ACLY: variants seen among roughly 807,000 people sequenced by gnomAD.
The protein encoded by ACLY is ATP citrate lyase.
A neutral mutation model predicts 133.0 loss-of-function variants in ACLY; 41 were observed. The ratio of observed to expected loss-of-function variants is 0.31; its 90% CI spans 0.24 to 0.40. The LOEUF (loss-of-function observed/expected upper bound fraction) is 0.40. Among genes scored for constraint, ACLY ranks in the 10% least tolerant of loss-of-function variants. The pLI is 1.00. For synonymous variants in ACLY, 495 were observed against 549.3 expected, an observed-to-expected ratio of 0.90 and a Z score of 1.38; for missense variants, 1,046 against 1,453.8, an observed-to-expected ratio of 0.72 and a Z score of 4.56.
At position 41,868,202 on chromosome 17, in the gene ACLY, G is replaced by T. The variant is rs2048510247; in HGVS notation, c.3212-298C>A. Among the ~76,000 whole-genome samples, 3 of 152,180 alleles carry T rather than the reference G, an allele frequency of 2.0e-5. No homozygotes were observed. The South Asian group carries it at 6.2e-4, about 32-fold the overall frequency. On this transcript the variant is annotated intron_variant, in intron 28 of 28. Transcript: ENST00000352035. ...GCCTGTAATCCCAGCACTTTGGGAG[G>T]CCGAGGTGGGCAGATCACGAGGTTG...
chr17:41,919,073 A>G (rs2050136615), upstream of ACLY: 35 of 1,235,520 alleles, frequency 2.8e-5, 1 homozygote, highest in South Asian at 4.3e-4. Context: ...CCTGAGCGCC[A>G]GGGCTCCTCC....
chr17:41,889,485 C>T (rs2049143436), intron 16 of ACLY, among the ~76,000 whole-genome samples: 1 of 115,974 alleles, frequency 8.6e-6, no homozygotes, highest in Non-Finnish European at 1.6e-5. Context: ...CGCCGCTGTA[C>T]TCACTCTAGC....
chr17:41,901,064 C>T (rs1465733561), intron 11 of ACLY, among the ~76,000 whole-genome samples: 2 of 151,996 alleles, frequency 1.3e-5, no homozygotes, highest in African/African-American at 4.8e-5. Flanking sequence ...AGGTGATCCT[C>T]CCACCTCAGC....
intron 1 of ACLY, among the ~76,000 whole-genome samples, chr17:41,915,717 C>T (rs1288916581): frequency 1.3e-5 from 2 of 152,256 alleles, no homozygotes; most frequent in Middle Eastern, 3.4e-3. Context: ...CCCCACGGTC[C>T]TCCACCCCCC....
intron 3 of ACLY, 97 bp from the exon 4 acceptor site, chr17:41,910,381 C>A: frequency 1.0e-6 from 1 of 991,986 alleles, no homozygotes; most frequent in Non-Finnish European, 1.6e-6. Flanking sequence ...CCAAGCACTC[C>A]CACCACCACA....
intron 17 of ACLY, among the ~76,000 whole-genome samples, chr17:41,887,275 C>G (rs1722849212): frequency 6.6e-6 from 1 of 151,892 alleles, no homozygotes; most frequent in African/African-American, 2.4e-5. Flanking sequence ...CCCGTCTCGA[C>G]TAAAAACACA....
At chr17:41,914,928 C>T (rs12950195) in intron 1 of ACLY, among the ~76,000 whole-genome samples, 1 of 152,054 alleles carries the variant, frequency 6.6e-6, no homozygotes, top group East Asian at 1.9e-4. Flanking sequence ...GGGAGGTACA[C>T]TGAGATTTAT....
chr17:41,926,968 A>T (rs1418464284), intron 1 of ACLY, among the ~76,000 whole-genome samples: 1 of 151,990 alleles, frequency 6.6e-6, no homozygotes, highest in South Asian at 2.1e-4. Flanking sequence ...TCCCAGGTTC[A>T]CGTGATTCTC....
intron 28 of ACLY, among the ~76,000 whole-genome samples, 174 bp downstream of exon 28, chr17:41,868,534 GA>G (rs2048519736): frequency 7.1e-6 from 1 of 141,406 alleles, no homozygotes; most frequent in African/African-American, 2.6e-5. Flanking sequence ...AGAAAGGAAA[GA>G]TTAAGAACAA....
intron 1 of ACLY, among the ~76,000 whole-genome samples, chr17:41,916,401 T>A (rs1297608131): frequency 6.6e-6 from 1 of 151,052 alleles, no homozygotes; most frequent in Non-Finnish European, 1.5e-5. Flanking sequence ...TGAGAAGGAC[T>A]CTGGCTCTGT....
At chr17:41,890,988 A>G (rs528883528) in intron 16 of ACLY, among the ~76,000 whole-genome samples, 2 of 152,244 alleles carry the variant, frequency 1.3e-5, no homozygotes, top group African/African-American at 4.8e-5. Flanking sequence ...AAAATAAATA[A>G]ATACAAACAT....
At position 41,871,807 on chromosome 17, in the gene ACLY, T is replaced by C. The variant is rs1048697464; in HGVS notation, c.2819A>G (p.Asp940Gly). ...TTTACTGAACATCTTGGCTGCTGCATCCAAGGCACCCCCAAACCGATCCCC... is the reference window on the plus strand; with the variant it reads ...TTTACTGAACATCTTGGCTGCTGCACCCAAGGCACCCCCAAACCGATCCCC... ...TIGDRFGGAL[D>G]AAAKMFSKAF... The change falls in exon 25 of 29, where the codon GAT becomes GGT. Residue 940 changes from aspartate (D) to glycine (G), a missense_variant. Asp to Gly is a moderately conservative substitution (Grantham distance 94, BLOSUM62 -1). Transcript: ENST00000352035. The C allele has an allele frequency of 6.2e-6, 10 of 1,614,066 alleles. No homozygotes were observed. The highest frequency in any genetic ancestry group is 1.3e-5 in the African/African-American group (1 of 75,030).
chr17:41,875,827 C>G (rs1555626042), intron 22 of ACLY, among the ~76,000 whole-genome samples: 1 of 152,196 alleles, frequency 6.6e-6, no homozygotes, highest in East Asian at 1.9e-4. Flanking sequence ...CTTGGCCTCC[C>G]AAAGTGCCGA....
intron 11 of ACLY, among the ~76,000 whole-genome samples, chr17:41,900,818 T>C (rs2049516333): frequency 6.6e-6 from 1 of 152,072 alleles, no homozygotes; most frequent in Non-Finnish European, 1.5e-5. Flanking sequence ...TCCTGTGACC[T>C]GTAGTGTCTC....
intron 17 of ACLY, among the ~76,000 whole-genome samples, chr17:41,887,127 GAAAA>G (rs535668437): frequency 9.1e-6 from 1 of 110,380 alleles, no homozygotes; most frequent in Non-Finnish European, 1.8e-5. Flanking sequence ...CCGTCTCAAA[GAAAA>G]AAAAAAAAAA....
chr17:41,875,023 A>G (rs1294237849), intron 22 of ACLY, among the ~76,000 whole-genome samples: 3 of 152,012 alleles, frequency 2.0e-5, no homozygotes, highest in African/African-American at 7.2e-5. Flanking sequence ...AAAATCTTAC[A>G]TACACTTCAG....
chr17:41,893,132 A>G lies in ACLY; in HGVS notation c.1502T>C (p.Val501Ala). ...TLFSRHTKAI[V>A]WGMQTRAVQG... ...CACGGCCCGGGTCTGCATGCCCCAC[A>G]CAATGGCCTTGGTGTGGCGGCTGAA... is the stretch of plus-strand genomic sequence containing the variant. The change falls in exon 15 of 29, where the codon GTG becomes GCG. Residue 501 changes from valine (V) to alanine (A), a missense_variant. Physicochemically the swap from Val to Ala is moderately conservative, Grantham distance 64. This residue lies in a region of ACLY where 575 missense variants were observed against 804.2 expected (regional missense o/e 0.71). Coordinates refer to ENST00000352035, the MANE Select transcript of ACLY (RefSeq NM_001096.3). 6.2e-7 allele frequency: 1 copy of G among 1,614,010 alleles called. No homozygotes were observed. Among genetic ancestry groups the G allele is most frequent in the Non-Finnish European group, 8.5e-7 (1 of 1,179,952 alleles).
intron 2 of ACLY, among the ~76,000 whole-genome samples, chr17:41,913,214 C>T (rs782788383): frequency 2.6e-5 from 4 of 152,214 alleles, no homozygotes; most frequent in African/African-American, 7.2e-5. Context: ...CCTCCAGGGT[C>T]GGGGCCATTC....
intron 6 of ACLY, among the ~76,000 whole-genome samples, chr17:41,907,869 T>C (rs2049770263): frequency 6.6e-6 from 1 of 152,142 alleles, no homozygotes; most frequent in Admixed American, 6.6e-5. Context: ...ACTCCCTGCT[T>C]TTGAGTATCT....
Sources: allele counts gnomAD v4.1 joint callset (sites outside exome capture counted in the v4.1 genomes callset), GRCh38; gene constraint gnomAD v4.1.1; regional missense constraint gnomAD v4.1.1; transcripts MANE v1.5; gene names NCBI Gene and HGNC (gene_info 2026-07-23, HGNC 2026-07-21).